Variants in CCDC3 observed in about 807,000 individuals in gnomAD.
The protein encoded by CCDC3 is coiled-coil domain-containing protein 3.
A neutral mutation model predicts 21.4 loss-of-function variants in CCDC3; 24 were observed. The ratio of observed to expected loss-of-function variants is 1.12; its 90% CI spans 0.81 to 1.58. CCDC3 has a LOEUF of 1.58. CCDC3 is among the 40% of genes most tolerant of loss of function. The pLI is 0.00. For synonymous variants in CCDC3, 186 were observed against 166.0 expected (o/e 1.12, Z -0.93); for missense variants, 425 against 360.9 (o/e 1.18, Z -1.44).
intron 5 of CCDC3, among the ~76,000 whole-genome samples, chr10:13,029,594 G>A (rs673626): frequency 0.77 from 117,241 of 151,994 alleles, 46,877 homozygotes; most frequent in Non-Finnish European, 0.87. Context: ...AAACCATGAA[G>A]AAAGATTAGA....
chr10:12,916,535 G>A (rs917884003), intron 2 of CCDC3, among the ~76,000 whole-genome samples: 5 of 149,138 alleles, frequency 3.4e-5, no homozygotes, highest in South Asian at 4.3e-4. Context: ...CAGGAGAATC[G>A]CTTGAACCTG....
chr10:13,027,247 A>G (rs1485949874), intron 5 of CCDC3, among the ~76,000 whole-genome samples: 4 of 152,172 alleles, frequency 2.6e-5, no homozygotes, highest in Non-Finnish European at 5.9e-5. Context: ...CTCCACTAAC[A>G]GACGTTTCTC....
At chr10:13,069,003 C>G (rs1057190716) in intron 4 of CCDC3, among the ~76,000 whole-genome samples, 21 of 152,214 alleles carry the variant, frequency 1.4e-4, no homozygotes, top group Admixed American at 8.5e-4. Context: ...TGCCTGTAAT[C>G]CCAGCACTTT....
intron 2 of CCDC3, among the ~76,000 whole-genome samples, chr10:12,957,712 G>A (rs139034491): frequency 6.6e-6 from 1 of 152,302 alleles, no homozygotes; most frequent in Non-Finnish European, 1.5e-5. Flanking sequence ...GCCATACGAT[G>A]AGCCTGCTGC....
At chr10:13,003,595 T>C (rs11258117), upstream of CCDC3, among the ~76,000 whole-genome samples, 17,279 of 152,192 alleles carry the variant, frequency 0.11, 1,057 homozygotes, top group South Asian at 0.16. Context: ...AACATTAATT[T>C]TGTATGACCC....
At chr10:13,092,292 A>G (rs565941499) in intron 3 of CCDC3, among the ~76,000 whole-genome samples, 36 of 152,330 alleles carry the variant, frequency 2.4e-4, no homozygotes, top group Non-Finnish European at 4.4e-5. Context: ...ACTTCCCAGA[A>G]TTATAATAAG....
intron 2 of CCDC3, among the ~76,000 whole-genome samples, chr10:12,930,881 G>T (rs1409633472): frequency 6.6e-6 from 1 of 152,060 alleles, no homozygotes; most frequent in Admixed American, 6.5e-5. Context: ...TCTGTCCCAG[G>T]CTCTGGTCCA....
chr10:13,059,211 C>T (rs541133553), intron 4 of CCDC3, among the ~76,000 whole-genome samples: 18 of 152,282 alleles, frequency 1.2e-4, no homozygotes, highest in Admixed American at 4.6e-4. Flanking sequence ...GTCCGGGTGA[C>T]GCCAAGGCAA....
At chr10:12,967,014 T>G (rs1835272290) in intron 2 of CCDC3, among the ~76,000 whole-genome samples, 1 of 152,190 alleles carries the variant, frequency 6.6e-6, no homozygotes, top group African/African-American at 2.4e-5. Flanking sequence ...TGGAGTCCCT[T>G]CATCTTCTGG....
At chr10:13,086,393 T>A (rs1440407480) in intron 3 of CCDC3, among the ~76,000 whole-genome samples, 1 of 152,226 alleles carries the variant, frequency 6.6e-6, no homozygotes, top group African/African-American at 2.4e-5. Context: ...ATATTTAAGA[T>A]TTAAGGCAAT....
In CCDC3 at chr10:12,900,417, G is replaced by A. The variant is rs183795452; in HGVS notation, c.550-1738C>T. Reference sequence around the variant, plus strand: ...AGCCGGGCTGGGTGTGGTGGCTCACGCCTGTAATCCCAGCACTTTAGGAGG... The same window carrying A: ...AGCCGGGCTGGGTGTGGTGGCTCACACCTGTAATCCCAGCACTTTAGGAGG... On this transcript the variant is annotated intron_variant, in intron 2 of 2. Transcript: ENST00000378825. Among the ~76,000 whole-genome samples, 6 of 150,364 alleles carry A rather than the reference G, an allele frequency of 4.0e-5. No individual in the cohort carries two copies. In the East Asian group the frequency reaches 9.8e-4, roughly 25 times the overall value.
At chr10:13,088,791 G>A (rs1157105893) in intron 3 of CCDC3, among the ~76,000 whole-genome samples, 3 of 152,212 alleles carry the variant, frequency 2.0e-5, no homozygotes, top group African/African-American at 7.2e-5. Flanking sequence ...GGGAGGCCAA[G>A]GCAGGAGGAT....
chr10:12,913,086 T>C (rs1176360554), intron 2 of CCDC3, among the ~76,000 whole-genome samples: 1 of 152,236 alleles, frequency 6.6e-6, no homozygotes, highest in Non-Finnish European at 1.5e-5. Context: ...CAAGGTCTTT[T>C]GTGGCTCCAT....
chr10:12,966,084 C>T (rs866148476), intron 2 of CCDC3, among the ~76,000 whole-genome samples: 11 of 152,210 alleles, frequency 7.2e-5, no homozygotes, highest in Non-Finnish European at 1.2e-4. Context: ...ACTCTATCAC[C>T]GTCTGTGGGC....
intron 2 of CCDC3, among the ~76,000 whole-genome samples, chr10:12,929,736 T>C (rs1483787228): frequency 6.6e-6 from 1 of 152,146 alleles, no homozygotes; most frequent in African/African-American, 2.4e-5. Flanking sequence ...TTTAACACCA[T>C]TTGATTCTAA....
chr10:13,000,241 T>A (rs1428889900), intron 1 of CCDC3, among the ~76,000 whole-genome samples: 1 of 152,230 alleles, frequency 6.6e-6, no homozygotes, highest in Admixed American at 6.5e-5. Flanking sequence ...TCCATTTTGA[T>A]GTTTTTCTCA....
At chr10:12,908,244 G>A (rs1261791482) in intron 2 of CCDC3, among the ~76,000 whole-genome samples, 1 of 152,180 alleles carries the variant, frequency 6.6e-6, no homozygotes, top group Non-Finnish European at 1.5e-5. Flanking sequence ...GGTTAAAAAA[G>A]TTTCAGAAAT....
At chr10:13,074,511 C>G (rs954416291) in intron 3 of CCDC3, among the ~76,000 whole-genome samples, 1 of 151,468 alleles carries the variant, frequency 6.6e-6, no homozygotes, top group Non-Finnish European at 1.5e-5. Context: ...TTCTGGAGTT[C>G]TTTTAATGCT....
chr10:12,987,981 T>C (rs903899051), intron 2 of CCDC3, among the ~76,000 whole-genome samples: 1 of 151,678 alleles, frequency 6.6e-6, no homozygotes, highest in African/African-American at 2.4e-5. Flanking sequence ...CCCTCAGCAA[T>C]CTGTGGTTCA....
Sources: gnomAD v4.1 joint callset for allele counts (sites outside exome capture counted in the v4.1 genomes callset) on GRCh38, gnomAD v4.1.1 for gene constraint, MANE v1.5 for transcripts, NCBI Gene and HGNC (gene_info 2026-07-23, HGNC 2026-07-21) for gene names.